The following GUCY1A2 variants were observed in gnomAD, a reference collection of about 807,000 sequenced individuals.
GUCY1A2 encodes the protein guanylate cyclase soluble subunit alpha-2.
In GUCY1A2, 27 loss-of-function variants were observed where a neutral mutation model predicts 63.5. The observed-to-expected ratio is 0.43, with a 90% CI of 0.31 to 0.59. The LOEUF (loss-of-function observed/expected upper bound fraction) is 0.59. Ranked by LOEUF, GUCY1A2 falls within the 20% of genes least tolerant of loss-of-function variation. The pLI, the probability that GUCY1A2 is intolerant of heterozygous loss-of-function variation, is 0.11. For missense variants in GUCY1A2, 768 were observed against 913.3 expected, an observed-to-expected ratio of 0.84 and a Z score of 2.05; for synonymous variants, 364 against 343.5, an observed-to-expected ratio of 1.06 and a Z score of -0.66.
intron 4 of GUCY1A2, among the ~76,000 whole-genome samples, chr11:106,906,813 T>C (rs535942981): frequency 6.6e-6 from 1 of 152,112 alleles, no homozygotes; most frequent in East Asian, 1.9e-4. Context: ...GAAACCAGCA[T>C]TCTCAGCAAA....
chr11:106,880,637 T>C (rs1859810951), intron 4 of GUCY1A2, among the ~76,000 whole-genome samples: 1 of 152,094 alleles, frequency 6.6e-6, no homozygotes, highest in Non-Finnish European at 1.5e-5. Flanking sequence ...TAAAACGTAC[T>C]GGTTGTTTAG....
intron 3 of GUCY1A2, among the ~76,000 whole-genome samples, chr11:106,949,711 T>C (rs143953140): frequency 3.9e-5 from 6 of 152,200 alleles, no homozygotes; most frequent in East Asian, 1.9e-4. Context: ...AAATGTCAAC[T>C]AGGCCACCAA....
In GUCY1A2 at chr11:106,940,153, T is replaced by A. The variant is rs1349944564; in HGVS notation, c.513A>T (p.Lys171Asn). The stretch of plus-strand genomic sequence containing the variant: ...TATTAAAGAACTCTTCACCAAATCT[T>A]TTTTGAATTTCCTCAAACTTCAAAC... Reference protein sequence around the residue: ...ILGLKFEEIQKRFGEEFFNIC... With the variant: ...ILGLKFEEIQNRFGEEFFNIC... Residue 171 changes from lysine to asparagine, a missense_variant, in exon 4 of 8, where the codon AAA (lysine) becomes AAT (asparagine). Transcript: ENST00000526355. 6.3e-7 allele frequency: 1 copy of A among 1,589,736 alleles called. No individual in the cohort carries two copies.
In GUCY1A2 at chr11:106,957,310, T is replaced by C. The variant is rs895119892; in HGVS notation, c.488-17132A>G. Reference sequence around the variant, plus strand: ...CACAGCTGGTGCTGGTTGCCTCTTCTTCCCCCCTCCCCACCAGCAACCCCC... The same window carrying C: ...CACAGCTGGTGCTGGTTGCCTCTTCCTCCCCCCTCCCCACCAGCAACCCCC... On this transcript the variant is annotated intron_variant, in intron 3 of 7. Coordinates refer to ENST00000526355, the MANE Select transcript of GUCY1A2 (RefSeq NM_000855.3). Among the ~76,000 whole-genome samples, 51 of 149,846 alleles carry C rather than the reference T, an allele frequency of 3.4e-4. 1 individual carries two copies. Among genetic ancestry groups the C allele is most frequent in the Admixed American group, 3.3e-3 (50 of 15,064 alleles).
intron 6 of GUCY1A2, among the ~76,000 whole-genome samples, chr11:106,731,070 T>A (rs1863495147): frequency 6.6e-6 from 1 of 152,168 alleles, no homozygotes; most frequent in Admixed American, 6.6e-5. Flanking sequence ...CCTGATAGTT[T>A]CTTTTGGTGT....
At chr11:106,831,018 TA>T (rs1187935559) in intron 4 of GUCY1A2, among the ~76,000 whole-genome samples, 2 of 152,154 alleles carry the variant, frequency 1.3e-5, no homozygotes, top group African/African-American at 4.8e-5. Context: ...TAATACATTT[TA>T]TGAAGCTATA....
At chr11:106,797,496 T>A (rs1175252489) in intron 5 of GUCY1A2, among the ~76,000 whole-genome samples, 2 of 152,122 alleles carry the variant, frequency 1.3e-5, no homozygotes, top group African/African-American at 4.8e-5. Context: ...CAGCACCACA[T>A]CGCAGTTATT....
At chr11:106,835,673 G>A (rs1023472659) in intron 4 of GUCY1A2, among the ~76,000 whole-genome samples, 1 of 151,534 alleles carries the variant, frequency 6.6e-6, no homozygotes, top group Non-Finnish European at 1.5e-5. Context: ...AAAGCAGAGA[G>A]AGAAGACTGA....
chr11:106,776,787 A>G (rs1282864062), intron 5 of GUCY1A2, among the ~76,000 whole-genome samples: 1 of 152,198 alleles, frequency 6.6e-6, no homozygotes. Context: ...GTTGTTCATT[A>G]ACATTATCAC....
chr11:106,901,435 G>C (rs1357904638), intron 4 of GUCY1A2, among the ~76,000 whole-genome samples: 2 of 152,086 alleles, frequency 1.3e-5, no homozygotes. Context: ...CACCTCCCAT[G>C]AATCGTCAAT....
At chr11:106,972,699 G>T (rs1861211610) in intron 3 of GUCY1A2, among the ~76,000 whole-genome samples, 1 of 152,084 alleles carries the variant, frequency 6.6e-6, no homozygotes. Flanking sequence ...TCTAGGAGAA[G>T]AGGGAAACTA....
intron 6 of GUCY1A2, among the ~76,000 whole-genome samples, chr11:106,737,678 T>C (rs1426716034): frequency 1.3e-5 from 2 of 152,190 alleles, no homozygotes; most frequent in African/African-American, 2.4e-5. Flanking sequence ...GTTAGTTTGC[T>C]GAGAATGATG....
intron 4 of GUCY1A2, among the ~76,000 whole-genome samples, chr11:106,889,057 T>A (rs999073525): frequency 6.6e-6 from 1 of 152,156 alleles, no homozygotes; most frequent in Non-Finnish European, 1.5e-5. Context: ...ATGCACTGTA[T>A]CTCTTAACAT....
In GUCY1A2 at chr11:106,982,060, C is replaced by A. The variant is rs1271425695; in HGVS notation, c.366-3320G>T. ...TATTATCATTAAGATTTCATTTAAA[C>A]TTCACCACAACCCTGTTATTATTCC... On this transcript the variant is annotated intron_variant, in intron 2 of 7. Coordinates refer to ENST00000526355, the MANE Select transcript of GUCY1A2 (RefSeq NM_000855.3). Among the ~76,000 whole-genome samples, 3 of 152,180 alleles carry A rather than the reference C, an allele frequency of 2.0e-5. No individual in the cohort carries two copies. In the East Asian group the frequency reaches 5.8e-4, roughly 29 times the overall value.
intron 1 of GUCY1A2, among the ~76,000 whole-genome samples, chr11:107,011,063 C>A (rs999187082): frequency 1.3e-5 from 2 of 152,094 alleles, no homozygotes; most frequent in African/African-American, 4.8e-5. Flanking sequence ...CCATACTATG[C>A]TAAACACAAG....
chr11:106,695,679 T>C (rs928346316), intron 7 of GUCY1A2, among the ~76,000 whole-genome samples: 6 of 152,166 alleles, frequency 3.9e-5, no homozygotes, highest in Admixed American at 2.0e-4. Context: ...ACTGTTGTTA[T>C]TGAGTCGGCT....
chr11:106,919,543 T>C (rs1431738428), intron 4 of GUCY1A2, among the ~76,000 whole-genome samples: 2 of 151,970 alleles, frequency 1.3e-5, no homozygotes, highest in African/African-American at 4.8e-5. Context: ...TGGAAAAAAA[T>C]TGGCATAGTG....
intron 4 of GUCY1A2, among the ~76,000 whole-genome samples, chr11:106,913,450 T>C (rs1860323808): frequency 6.6e-6 from 1 of 151,976 alleles, no homozygotes; most frequent in Non-Finnish European, 1.5e-5. Context: ...CAACCAGTTA[T>C]TATGGGAACT....
intron 4 of GUCY1A2, among the ~76,000 whole-genome samples, chr11:106,818,347 C>T (rs974709833): frequency 1.3e-5 from 2 of 152,016 alleles, no homozygotes; most frequent in African/African-American, 4.8e-5. Context: ...GTTATGGTAA[C>T]CTGTGATCAG....
Sources: allele counts gnomAD v4.1 joint callset (sites outside exome capture counted in the v4.1 genomes callset), GRCh38; gene constraint gnomAD v4.1.1; transcripts MANE v1.5; gene names NCBI Gene and HGNC (gene_info 2026-07-23, HGNC 2026-07-21).